The following ENPP6 variants were observed in gnomAD, a reference collection of about 807,000 sequenced individuals.
ENPP6 encodes glycerophosphocholine cholinephosphodiesterase ENPP6.
A neutral mutation model predicts 42.0 loss-of-function variants in ENPP6; 32 were observed. That is an observed-to-expected ratio of 0.76 (90% CI 0.58 to 1.02). The LOEUF is 1.02. ENPP6 is among the 50% of genes least tolerant of loss of function. ENPP6 has a pLI of 0.00. For missense variants in ENPP6, 552 were observed against 566.8 expected, an observed-to-expected ratio of 0.97 and a Z score of 0.27; for synonymous variants, 213 against 216.0, an observed-to-expected ratio of 0.99 and a Z score of 0.12.
At chr4:184,105,607 A>G (rs1173502193) in intron 6 of ENPP6, among the ~76,000 whole-genome samples, 1 of 152,194 alleles carries the variant, frequency 6.6e-6, no homozygotes, top group East Asian at 1.9e-4. Flanking sequence ...CAATGCAGAG[A>G]GAGTGAATTG....
chr4:184,116,876 C>G lies in ENPP6; in HGVS notation c.835G>C (p.Ala279Pro), dbSNP rs1736323221. 2.5e-6 allele frequency: 4 copies of G among 1,613,692 alleles called. No individual in the cohort carries two copies. Among genetic ancestry groups the G allele is most frequent in the Non-Finnish European group, 3.4e-6 (4 of 1,179,968 alleles). The change falls in exon 5 of 8, where the codon GCC becomes CCC. Residue 279 changes from alanine to proline, a missense_variant. By Grantham distance (27) the Ala-to-Pro change is conservative (BLOSUM62 -1). Around this residue, in one of 2 missense-constraint regions of ENPP6, gnomAD observed 545 missense variants for 546.3 expected, o/e 1.00. Transcript: ENST00000296741. ...DRGPVVSLWP[A>P]PGKHSEIYNK... ...CTTGCCTCAGAGTGTTTCCCAGGGGCCGGCCAAAGGCTCACAACAGGCCCG... is the reference window on the plus strand; with the variant it reads ...CTTGCCTCAGAGTGTTTCCCAGGGGGCGGCCAAAGGCTCACAACAGGCCCG...
intron 2 of ENPP6, among the ~76,000 whole-genome samples, chr4:184,150,243 T>C (rs146982647): frequency 3.3e-3 from 500 of 152,290 alleles, no homozygotes; most frequent in African/African-American, 0.012. Context: ...TGTTGGACTC[T>C]TCACTGTGGG....
intron 1 of ENPP6, among the ~76,000 whole-genome samples, chr4:184,159,773 C>T (rs907410655): frequency 6.6e-6 from 1 of 152,094 alleles, no homozygotes; most frequent in Non-Finnish European, 1.5e-5. Flanking sequence ...ACATTGTACC[C>T]AATGTGTAGT....
chr4:184,193,547 T>C (rs1301932299), intron 1 of ENPP6, among the ~76,000 whole-genome samples: 1 of 152,228 alleles, frequency 6.6e-6, no homozygotes, highest in Admixed American at 6.5e-5. Flanking sequence ...AAGTATACTG[T>C]GGCAGTGGTT....
At position 184,184,224 on chromosome 4, in the gene ENPP6, C is replaced by T. The variant is rs1425173434; in HGVS notation, c.242-30491G>A. 6.6e-6 allele frequency among the ~76,000 whole-genome samples: 1 copy of T among 151,940 alleles called. No individual in the cohort carries two copies. The highest frequency in any genetic ancestry group is 1.5e-5 in the Non-Finnish European group (1 of 68,002). On this transcript the variant is annotated intron_variant, in intron 1 of 7. Transcript: ENST00000296741. This position sits in a 1 kb window ranked among gnomAD's most constrained non-coding sequence, Gnocchi z 4.7. ...AGAAACGACAACCACAGATTTAGCA[C>T]CAAGAGCTTTAAGTTTGGAATGATT...
intron 1 of ENPP6, among the ~76,000 whole-genome samples, chr4:184,199,340 G>T (rs376177444): frequency 2.0e-5 from 3 of 152,196 alleles, no homozygotes; most frequent in Non-Finnish European, 4.4e-5. Flanking sequence ...AAGTGGGCTG[G>T]GGGGCAGGTT....
At position 184,143,466 on chromosome 4, in the gene ENPP6, G is replaced by A. The variant is rs556331804; in HGVS notation, c.421+10088C>T. Among the ~76,000 whole-genome samples the A allele has an allele frequency of 3.9e-5, 6 of 152,358 alleles. No individual in the cohort carries two copies. In the East Asian group the frequency reaches 1.2e-3, roughly 29 times the overall value. On this transcript the variant is annotated intron_variant, in intron 2 of 7. Coordinates refer to ENST00000296741, the MANE Select transcript of ENPP6 (RefSeq NM_153343.4). ...GGCACCAGCTCTCCTGGACTAGCCA[G>A]TCCTGTGCCCTTGTCAATCAGCTCC...
chr4:184,174,787 A>G (rs1246357485), intron 1 of ENPP6, among the ~76,000 whole-genome samples: 1 of 147,370 alleles, frequency 6.8e-6, no homozygotes, highest in South Asian at 2.2e-4. Flanking sequence ...GTGTGTAAAT[A>G]TACAAGCCTG....
At chr4:184,145,608 A>G (rs1421109900) in intron 2 of ENPP6, among the ~76,000 whole-genome samples, 2 of 152,218 alleles carry the variant, frequency 1.3e-5, no homozygotes, top group Non-Finnish European at 2.9e-5. Flanking sequence ...ACTGTGCCCC[A>G]TGTACACAGG....
At chr4:184,163,146 C>T (rs1016300040) in intron 1 of ENPP6, among the ~76,000 whole-genome samples, 1 of 152,178 alleles carries the variant, frequency 6.6e-6, no homozygotes, top group Non-Finnish European at 1.5e-5. Flanking sequence ...ATCACTTGGG[C>T]AAGGATCTTG....
chr4:184,102,763 A>C (rs941426979), intron 6 of ENPP6, among the ~76,000 whole-genome samples: 1 of 152,208 alleles, frequency 6.6e-6, no homozygotes, highest in South Asian at 2.1e-4. Context: ...GCTGGAAACC[A>C]GCGTGCTCAC....
intron 1 of ENPP6, among the ~76,000 whole-genome samples, chr4:184,183,335 T>A (rs1732584305): frequency 1.3e-5 from 2 of 152,232 alleles, no homozygotes. Context: ...GCACCGCTGA[T>A]GGAGTAGGTT....
chr4:184,204,224 A>T (rs1040077447), intron 1 of ENPP6: 2 of 152,230 alleles, frequency 1.3e-5, no homozygotes, highest in African/African-American at 4.8e-5. Flanking sequence ...ATACAGTCAC[A>T]TTCGGAGATA....
chr4:184,216,253 G>A (rs1316685955), intron 1 of ENPP6, among the ~76,000 whole-genome samples: 2 of 152,222 alleles, frequency 1.3e-5, no homozygotes, highest in South Asian at 2.1e-4. Context: ...TGCCAGGGGA[G>A]GGCCAGAGAA....
At chr4:184,103,868 G>A (rs770769098) in intron 6 of ENPP6, among the ~76,000 whole-genome samples, 2 of 152,138 alleles carry the variant, frequency 1.3e-5, no homozygotes, top group East Asian at 1.9e-4. Flanking sequence ...TGACCCCAGC[G>A]AGCCCCTGGC....
At chr4:184,124,981 C>T (rs1475028638) in intron 2 of ENPP6, among the ~76,000 whole-genome samples, 1 of 152,204 alleles carries the variant, frequency 6.6e-6, no homozygotes, top group African/African-American at 2.4e-5. Context: ...GGGATGTGCC[C>T]ACCTTGGTTT....
At chr4:184,129,264 A>G (rs1736554664) in intron 2 of ENPP6, among the ~76,000 whole-genome samples, 1 of 98,948 alleles carries the variant, frequency 1.0e-5, no homozygotes. Flanking sequence ...AAATGCACTG[A>G]CGTAGTACAC....
chr4:184,157,458 CTT>C (rs1309484117), intron 1 of ENPP6, among the ~76,000 whole-genome samples: 11 of 147,104 alleles, frequency 7.5e-5, no homozygotes, highest in Non-Finnish European at 1.0e-4. Context: ...CTTTCTCTCT[CTT>C]TCTTTCCTTC....
In ENPP6 at chr4:184,144,946, G is replaced by A. The variant is rs576199211; in HGVS notation, c.421+8608C>T. Among the ~76,000 whole-genome samples, 11 of 152,346 alleles carry A rather than the reference G, an allele frequency of 7.2e-5. No homozygotes were observed. The South Asian group carries it at 2.3e-3, about 32-fold the overall frequency. On this transcript the variant is annotated intron_variant, in intron 2 of 7. Transcript: ENST00000296741. ...CCTGACAGCCCACGGCCCCGGCCCT[G>A]GTTGAAATCTCCTGATCAGGTCAGC...
Sources: allele counts gnomAD v4.1 joint callset (sites outside exome capture counted in the v4.1 genomes callset), GRCh38; gene constraint gnomAD v4.1.1; regional missense constraint gnomAD v4.1.1; non-coding constraint Gnocchi (gnomAD v3.1); transcripts MANE v1.5; gene names NCBI Gene and HGNC (gene_info 2026-07-23, HGNC 2026-07-21).